Variants in SMIM10L3 observed in about 807,000 individuals in gnomAD.
The protein encoded by SMIM10L3 is salivary gland specific protein SAGSIN1.
At chr7:6,345,541 T>C in the SMIM10L3 span, among the ~76,000 whole-genome samples, 6 of 152,228 alleles carry the variant, frequency 3.9e-5, no homozygotes, top group African/African-American at 1.4e-4. Context: ...GAGAAGCAGA[T>C]ATATGAAAAA....
the SMIM10L3 span, chr7:6,330,742 G>C: frequency 8.7e-6 from 14 of 1,614,042 alleles, no homozygotes; most frequent in East Asian, 2.2e-5. Flanking sequence ...GTGGCCGTCA[G>C]TGGCCCTGGG....
the SMIM10L3 span, chr7:6,329,697 A>T: frequency 1.2e-5 from 2 of 165,948 alleles, no homozygotes; most frequent in Non-Finnish European, 2.9e-5. Flanking sequence ...TGTGGGAAAT[A>T]ACTCGATTTG....
At chr7:6,330,410 G>A in the SMIM10L3 span, 7 of 1,613,828 alleles carry the variant, frequency 4.3e-6, no homozygotes, top group Non-Finnish European at 5.9e-6. Flanking sequence ...AATTCAAAAG[G>A]TTGCAGAGCC....
chr7:6,340,402 T>G, the SMIM10L3 span, among the ~76,000 whole-genome samples: 2 of 152,096 alleles, frequency 1.3e-5, no homozygotes, highest in Non-Finnish European at 2.9e-5. Flanking sequence ...ACTGCATGTG[T>G]GTACAGACAC....
chr7:6,348,733 G>C, the SMIM10L3 span: 2 of 413,810 alleles, frequency 4.8e-6, no homozygotes, highest in Non-Finnish European at 8.6e-6. Context: ...GAGCCGGACA[G>C]CCAGGCCCGA....
At chr7:6,338,364 C>A in the SMIM10L3 span, among the ~76,000 whole-genome samples, 1 of 152,020 alleles carries the variant, frequency 6.6e-6, no homozygotes, top group Non-Finnish European at 1.5e-5. Flanking sequence ...CATGTTAATC[C>A]TACAAAATTT....
the SMIM10L3 span, among the ~76,000 whole-genome samples, chr7:6,346,221 A>G: frequency 2.0e-5 from 3 of 152,102 alleles, no homozygotes; most frequent in African/African-American, 7.2e-5. Flanking sequence ...AGTCCCCTGA[A>G]CTGACACAGG....
the SMIM10L3 span, among the ~76,000 whole-genome samples, chr7:6,334,049 T>C: frequency 0.37 from 55,219 of 149,806 alleles, 11,405 homozygotes; most frequent in East Asian, 0.91. Flanking sequence ...GGTTTCACCA[T>C]GTTAGCCAGG....
At chr7:6,339,824 C>T in the SMIM10L3 span, among the ~76,000 whole-genome samples, 3 of 151,836 alleles carry the variant, frequency 2.0e-5, no homozygotes, top group Non-Finnish European at 4.4e-5. Context: ...CCTGGATGCT[C>T]ACAGGTGCGA....
chr7:6,330,211 C>T, the SMIM10L3 span: 2 of 703,866 alleles, frequency 2.8e-6, no homozygotes, highest in Non-Finnish European at 4.7e-6. Flanking sequence ...CCTTCCGCAT[C>T]AACTGGCTTT....
the SMIM10L3 span, chr7:6,342,094 CTACGCCA>C: frequency 6.6e-6 from 1 of 152,118 alleles, no homozygotes; most frequent in Non-Finnish European, 1.5e-5. Context: ...AGAACCTACC[CTACGCCA>C]GGTGCCAGGT....
At chr7:6,331,190 C>G in the SMIM10L3 span, 1 of 1,579,980 alleles carries the variant, frequency 6.3e-7, no homozygotes. Context: ...CCTGAGGTCA[C>G]GCCTTCGTCA....
At chr7:6,342,646 C>A in the SMIM10L3 span, among the ~76,000 whole-genome samples, 2 of 152,126 alleles carry the variant, frequency 1.3e-5, no homozygotes, top group African/African-American at 2.4e-5. Context: ...CCACACAAAG[C>A]TTACATGCAA....
At chr7:6,332,455 C>T in the SMIM10L3 span, among the ~76,000 whole-genome samples, 1 of 152,158 alleles carries the variant, frequency 6.6e-6, no homozygotes, top group Non-Finnish European at 1.5e-5. Flanking sequence ...GTTGTAACAT[C>T]ATATTAGTTC....
At chr7:6,345,358 T>TCCCACCTCAGTCCCCCCC in the SMIM10L3 span, among the ~76,000 whole-genome samples, 1 of 151,818 alleles carries the variant, frequency 6.6e-6, no homozygotes, top group African/African-American at 2.4e-5. Flanking sequence ...CAAGTGATCC[T>TCCCACCTCAGTCCCCCCC]CCCACCTCAG....
At chr7:6,329,449 TA>T in the SMIM10L3 span, 1 of 152,582 alleles carries the variant, frequency 6.6e-6, no homozygotes, top group Non-Finnish European at 1.5e-5. Flanking sequence ...GAACAAATTT[TA>T]TTTTTCATTT....
At chr7:6,343,773 C>T in the SMIM10L3 span, among the ~76,000 whole-genome samples, 1 of 152,086 alleles carries the variant, frequency 6.6e-6, no homozygotes, top group Non-Finnish European at 1.5e-5. Flanking sequence ...AAATGCCTCA[C>T]TGCCCTACAA....
chr7:6,340,395 G>A, the SMIM10L3 span, among the ~76,000 whole-genome samples: 21 of 152,276 alleles, frequency 1.4e-4, no homozygotes, highest in Admixed American at 1.4e-3. Context: ...AGCGACCACT[G>A]CATGTGTGTA....
chr7:6,331,519 G>A, the SMIM10L3 span, among the ~76,000 whole-genome samples: 2,245 of 151,818 alleles, frequency 0.015, 53 homozygotes, highest in African/African-American at 0.052. Flanking sequence ...CACGCTGGGC[G>A]ACCAGTTGCA....
Sources: gnomAD v4.1 joint callset for allele counts (sites outside exome capture counted in the v4.1 genomes callset) on GRCh38, gnomAD v4.1.1 for gene constraint, MANE v1.5 for transcripts, NCBI Gene and HGNC (gene_info 2026-07-23, HGNC 2026-07-21) for gene names.